Variants in PRKN observed in about 807,000 individuals in gnomAD.
PRKN encodes the protein parkin RBR E3 ubiquitin protein ligase, also known as E3 ubiquitin-protein ligase parkin.
PRKN carries 56 observed loss-of-function variants against 59.5 expected under a neutral mutation model. The observed-to-expected ratio is 0.94, with a 90% confidence interval of 0.76 to 1.18. PRKN has a LOEUF of 1.18. PRKN is among the 50% of genes most tolerant of loss of function. PRKN has a pLI of 0.00. For missense variants in PRKN, 657 were observed against 596.4 expected (o/e 1.10, Z -1.06); for synonymous variants, 250 against 222.1 (o/e 1.13, Z -1.12).
intron 1 of PRKN, among the ~76,000 whole-genome samples, chr6:162,723,484 G>C (rs549091884): frequency 1.9e-4 from 29 of 152,206 alleles, no homozygotes; most frequent in Admixed American, 1.8e-3. Flanking sequence ...GTGGGGGACC[G>C]GAGATCCAGG....
At chr6:162,300,032 A>G (rs1005053623) in intron 2 of PRKN, among the ~76,000 whole-genome samples, 2 of 152,158 alleles carry the variant, frequency 1.3e-5, no homozygotes, top group African/African-American at 2.4e-5. Flanking sequence ...TTAATAATAC[A>G]GAAATTTTCA....
chr6:161,962,345 T>C (rs777830474), intron 6 of PRKN, among the ~76,000 whole-genome samples: 7 of 152,112 alleles, frequency 4.6e-5, no homozygotes, highest in Admixed American at 1.3e-4. Flanking sequence ...ACCTAGTTTA[T>C]AGCAAATTGC....
chr6:162,171,830 CAT>C (rs1783293730), intron 4 of PRKN, among the ~76,000 whole-genome samples: 1 of 152,122 alleles, frequency 6.6e-6, no homozygotes, highest in African/African-American at 2.4e-5. Flanking sequence ...TTATTTTCCT[CAT>C]ATATGAGCCC....
chr6:161,558,696 T>C (rs970880388), intron 8 of PRKN, among the ~76,000 whole-genome samples: 1 of 152,196 alleles, frequency 6.6e-6, no homozygotes, highest in Admixed American at 6.5e-5. Context: ...CATCAGCTTA[T>C]GATTTAGCCA....
intron 2 of PRKN, among the ~76,000 whole-genome samples, chr6:162,435,125 T>G (rs563312949): frequency 7.9e-5 from 12 of 152,334 alleles, no homozygotes; most frequent in African/African-American, 2.9e-4. Context: ...AGTTTCAGTA[T>G]GGCATCTCTT....
chr6:161,609,084 A>G (rs1466599279), intron 7 of PRKN, among the ~76,000 whole-genome samples: 2 of 152,198 alleles, frequency 1.3e-5, no homozygotes, highest in Non-Finnish European at 2.9e-5. Context: ...TGTTGAGAGC[A>G]TGGTATTTGG....
At chr6:161,383,921 A>G (rs182306717) in intron 10 of PRKN, among the ~76,000 whole-genome samples, 109 of 152,320 alleles carry the variant, frequency 7.2e-4, no homozygotes, top group Non-Finnish European at 7.8e-4. Flanking sequence ...ACCAGCAGAC[A>G]TCTTTTTAGT....
At chr6:161,660,356 CAGTT>C (rs1264997406) in intron 7 of PRKN, among the ~76,000 whole-genome samples, 3 of 152,142 alleles carry the variant, frequency 2.0e-5, no homozygotes, top group East Asian at 1.9e-4. Context: ...TGCAATAACT[CAGTT>C]AGTACTAATA....
intron 6 of PRKN, among the ~76,000 whole-genome samples, chr6:161,924,241 C>T (rs1394136463): frequency 6.6e-6 from 1 of 152,148 alleles, no homozygotes; most frequent in Non-Finnish European, 1.5e-5. Context: ...ACCATCATCA[C>T]CAATCACTTC....
rs984888051 is a variant in PRKN at position 161,402,324 on chromosome 6, T to C, written c.1084-15447A>G. On this transcript the variant is annotated intron_variant, in intron 9 of 11. Coordinates refer to ENST00000366898, the MANE Select transcript of PRKN (RefSeq NM_004562.3). The surrounding 1 kb of genome is among the most constrained non-coding windows in gnomAD (Gnocchi z 4.5). ...TCTTCCCCTGCCTAAGTTTTCTTTT[T>C]CTCTCTCAATTTTATTGCTTTGCTA... Among the ~76,000 whole-genome samples the C allele has an allele frequency of 4.6e-5, 7 of 152,194 alleles. No homozygotes were observed. The highest frequency in any genetic ancestry group is 1.7e-4 in the African/African-American group (7 of 41,422).
chr6:161,355,763 G>A lies in PRKN; in HGVS notation c.1285+4325C>T, dbSNP rs1429906576. The stretch of plus-strand genomic sequence containing the variant: ...TTGTCCGGGCTCTCTTCTGGGATTG[G>A]AGCCTAGACGGTCAAGGTCCCTGAT... On this transcript the variant is annotated intron_variant, in intron 11 of 11. Transcript: ENST00000366898. This position sits in a 1 kb window ranked among gnomAD's most constrained non-coding sequence, Gnocchi z 6.8. Among the ~76,000 whole-genome samples the A allele has an allele frequency of 6.6e-6, 1 of 152,152 alleles. No homozygotes were observed. The highest frequency in any genetic ancestry group is 2.4e-5 in the African/African-American group (1 of 41,428).
intron 2 of PRKN, among the ~76,000 whole-genome samples, chr6:162,369,165 C>A (rs899878093): frequency 9.9e-5 from 15 of 152,186 alleles, no homozygotes; most frequent in Non-Finnish European, 1.9e-4. Flanking sequence ...CAAAATCCCA[C>A]TCAAATATGT....
At chr6:162,550,542 C>T (rs532814003) in intron 1 of PRKN, among the ~76,000 whole-genome samples, 8 of 152,244 alleles carry the variant, frequency 5.3e-5, no homozygotes, top group African/African-American at 1.9e-4. Flanking sequence ...GTTAAAGACT[C>T]TCCTAGGGGT....
intron 6 of PRKN, among the ~76,000 whole-genome samples, chr6:161,920,224 A>G (rs1360953937): frequency 6.6e-6 from 1 of 152,060 alleles, no homozygotes; most frequent in East Asian, 1.9e-4. Context: ...TCTCTACTCA[A>G]GGTACAAAAA....
At chr6:162,373,251 T>G (rs530887432) in intron 2 of PRKN, among the ~76,000 whole-genome samples, 1 of 152,348 alleles carries the variant, frequency 6.6e-6, no homozygotes, top group South Asian at 2.1e-4. Flanking sequence ...TTAAGTTTTC[T>G]TTTGAGAAAA....
At chr6:161,455,618 CACTTTGGGA>C (rs1177604939) in intron 9 of PRKN, among the ~76,000 whole-genome samples, 5 of 152,078 alleles carry the variant, frequency 3.3e-5, no homozygotes, top group African/African-American at 1.2e-4. Context: ...GTAATCCCAG[CACTTTGGGA>C]GGCTGACGCG....
intron 1 of PRKN, among the ~76,000 whole-genome samples, chr6:162,686,280 T>G (rs994542776): frequency 6.6e-6 from 1 of 152,174 alleles, no homozygotes; most frequent in African/African-American, 2.4e-5. Context: ...GGTGCCCAGC[T>G]GGCTGAACAT....
intron 5 of PRKN, among the ~76,000 whole-genome samples, chr6:161,976,611 G>A (rs1781043364): frequency 6.6e-6 from 1 of 152,138 alleles, no homozygotes; most frequent in Admixed American, 6.5e-5. Flanking sequence ...CCAGCTCAAG[G>A]GTATTGAGAA....
At chr6:162,649,304 G>T (rs1193959762) in intron 1 of PRKN, among the ~76,000 whole-genome samples, 2 of 152,170 alleles carry the variant, frequency 1.3e-5, no homozygotes, top group Non-Finnish European at 2.9e-5. Context: ...AAGATGACTA[G>T]CAAATTGTTA....
Sources: gnomAD v4.1 joint callset for allele counts (sites outside exome capture counted in the v4.1 genomes callset) on GRCh38, gnomAD v4.1.1 for gene constraint, Gnocchi (gnomAD v3.1) non-coding constraint, MANE v1.5 for transcripts, NCBI Gene and HGNC (gene_info 2026-07-23, HGNC 2026-07-21) for gene names.